Variants in PLCH2 observed in about 807,000 individuals in gnomAD.
The protein encoded by PLCH2 is phospholipase C eta 2, also known as 1-phosphatidylinositol 4,5-bisphosphate phosphodiesterase eta-2.
In PLCH2, 98 loss-of-function variants were observed where a neutral mutation model predicts 134.7. The ratio of observed to expected loss-of-function variants is 0.73; its 90% CI spans 0.62 to 0.86. The LOEUF (loss-of-function observed/expected upper bound fraction) is 0.86, where lower values mean the gene tolerates loss of function less well. Among genes scored for constraint, PLCH2 ranks in the 40% least tolerant of loss-of-function variants. The pLI is 0.00. For missense variants in PLCH2, 1,994 were observed against 1,986.6 expected (o/e 1.00, Z -0.07); for synonymous variants, 974 against 827.5 (o/e 1.18, Z -3.04).
intron 2 of PLCH2, among the ~76,000 whole-genome samples, chr1:2,454,026 G>A (rs1460093463): frequency 2.6e-5 from 4 of 152,148 alleles, no homozygotes; most frequent in Non-Finnish European, 5.9e-5. Flanking sequence ...GCTGGTAGTG[G>A]GGTTCCGGGG....
chr1:2,503,092 G>A (rs1185667253), intron 21 of PLCH2: 9 of 697,902 alleles, frequency 1.3e-5, no homozygotes, highest in Non-Finnish European at 2.4e-5. Context: ...CATAGCCCCA[G>A]CCCTCCTGTC....
At chr1:2,489,955 A>C in intron 10 of PLCH2, 88 bp downstream of exon 10, 2 of 987,526 alleles carry the variant, frequency 2.0e-6, no homozygotes, top group Non-Finnish European at 3.2e-6. Context: ...GCGAGTTAGA[A>C]AGGGAGGCAT....
At chr1:2,428,529 C>T (rs565797660) in intron 1 of PLCH2, among the ~76,000 whole-genome samples, 13 of 152,268 alleles carry the variant, frequency 8.5e-5, no homozygotes, top group Non-Finnish European at 1.8e-4. Context: ...CCCACGCCAA[C>T]GGCTGACCTC....
At chr1:2,489,653 C>T (rs1291900678) in intron 9 of PLCH2, 107 bp from the exon 10 acceptor site, 6 of 917,722 alleles carry the variant, frequency 6.5e-6, no homozygotes, top group Non-Finnish European at 1.0e-5. Flanking sequence ...CAAAACTGAG[C>T]TTGAGAAAAG....
At chr1:2,486,756 G>C (rs1013892847) in intron 5 of PLCH2, 151 bp from the exon 6 acceptor site, 5 of 669,604 alleles carry the variant, frequency 7.5e-6, no homozygotes, top group African/African-American at 7.1e-5. Context: ...ATCCACGGTA[G>C]TCCCAAGTCA....
intron 2 of PLCH2, among the ~76,000 whole-genome samples, chr1:2,458,704 C>T (rs923781839): frequency 6.6e-5 from 10 of 152,164 alleles, no homozygotes; most frequent in Admixed American, 2.0e-4. Context: ...CGCTCCCGCC[C>T]AGACCGCGCC....
At chr1:2,428,856 G>A (rs751877841) in intron 1 of PLCH2, among the ~76,000 whole-genome samples, 2 of 152,272 alleles carry the variant, frequency 1.3e-5, no homozygotes, top group Non-Finnish European at 1.5e-5. Flanking sequence ...GGGCAGTGCG[G>A]TGAGAGGCTC....
At chr1:2,463,548 G>A (rs969116701), upstream of PLCH2, among the ~76,000 whole-genome samples, 1 of 152,214 alleles carries the variant, frequency 6.6e-6, no homozygotes, top group Non-Finnish European at 1.5e-5. Context: ...TGAAACCGAG[G>A]CACCCCACGA....
chr1:2,498,638 C>T lies in PLCH2; in HGVS notation c.2340C>T (p.Asp780=). Residue 780 remains aspartate (D), a synonymous_variant, in exon 17 of 22, where the codon GAC becomes GAT. Coordinates refer to ENST00000378486, the MANE Select transcript of PLCH2 (RefSeq NM_014638.4). This position sits in a 1 kb window ranked among gnomAD's most constrained non-coding sequence, Gnocchi z 5.4. ...LPKPRDSMLG[D]RGEIIDPFVE... ...AGCCGCGCGACTCCATGCTGGGGGACCGTGGGGAGGTGGGGGCCAGCCCCA... is the reference window on the plus strand; with the variant it reads ...AGCCGCGCGACTCCATGCTGGGGGATCGTGGGGAGGTGGGGGCCAGCCCCA... 2 of 1,482,152 alleles carry T rather than the reference C, an allele frequency of 1.3e-6. No homozygotes were observed. Among genetic ancestry groups the T allele is most frequent in the South Asian group, 1.3e-5 (1 of 79,724 alleles). The allele number at this position is 1,482,152 out of a possible 1,614,324, so 91.8% of individuals were successfully genotyped here. A position where few individuals can be genotyped will look rare whatever the true frequency, so the allele number is the denominator to read the frequency against.
At chr1:2,488,380 C>G (rs1475502429) in intron 8 of PLCH2, among the ~76,000 whole-genome samples, 1 of 152,146 alleles carries the variant, frequency 6.6e-6, no homozygotes, top group African/African-American at 2.4e-5. Flanking sequence ...GCTGGGATCT[C>G]AGGACAGAGT....
chr1:2,459,068 C>T (rs138114884), intron 2 of PLCH2, among the ~76,000 whole-genome samples: 7 of 152,378 alleles, frequency 4.6e-5, no homozygotes, highest in East Asian at 3.9e-4. Flanking sequence ...TCCTGCTCCC[C>T]GGTGGCTGGG....
intron 11 of PLCH2, among the ~76,000 whole-genome samples, chr1:2,491,758 G>A (rs1642597138): frequency 6.6e-6 from 1 of 152,236 alleles, no homozygotes; most frequent in African/African-American, 2.4e-5. Flanking sequence ...AGACCTTGAA[G>A]GAACCAGGAG....
chr1:2,421,694 C>T (rs1390887646), upstream of PLCH2, among the ~76,000 whole-genome samples: 11 of 152,184 alleles, frequency 7.2e-5, no homozygotes, highest in Non-Finnish European at 1.5e-4. Context: ...TAACAACGGG[C>T]CAGGCACAGT....
Position 2,504,836 on chromosome 1 carries a change from C to T in PLCH2, c.3874C>T (p.Pro1292Ser). Reference protein sequence around the residue: ...LPGGTRRVSGPGVRRDTLTEQ... With the variant: ...LPGGTRRVSGSGVRRDTLTEQ... The stretch of plus-strand genomic sequence containing the variant: ...GGGAGGGACACGGCGGGTGTCGGGG[C>T]CAGGGGTGAGACGGGACACCCTGAC... The change falls in exon 22 of 22, where the codon CCA becomes TCA. Residue 1292 changes from proline (P) to serine (S), a missense_variant. Around this residue, in one of 2 missense-constraint regions of PLCH2, gnomAD observed 900 missense variants for 752.3 expected, o/e 1.20. Coordinates refer to ENST00000378486, the MANE Select transcript of PLCH2 (RefSeq NM_014638.4). 1 of 1,606,942 alleles carries T rather than the reference C, an allele frequency of 6.2e-7. No homozygotes were observed. Among genetic ancestry groups the T allele is most frequent in the Non-Finnish European group, 8.5e-7 (1 of 1,177,494 alleles).
At chr1:2,416,373 C>T in the PLCH2 span, among the ~76,000 whole-genome samples, 1 of 141,288 alleles carries the variant, frequency 7.1e-6, no homozygotes, top group Non-Finnish European at 1.5e-5. Flanking sequence ...GAGGAAGGGC[C>T]ACCCACAAGC....
At chr1:2,422,034 G>A (rs538296961), upstream of PLCH2, among the ~76,000 whole-genome samples, 10 of 151,884 alleles carry the variant, frequency 6.6e-5, no homozygotes, top group East Asian at 1.9e-3. Flanking sequence ...ACTTTGGGAG[G>A]CTGAAGGAGG....
At chr1:2,454,730 G>A (rs1640406414) in intron 2 of PLCH2, among the ~76,000 whole-genome samples, 1 of 152,226 alleles carries the variant, frequency 6.6e-6, no homozygotes, top group African/African-American at 2.4e-5. Context: ...TGGCTTCCCT[G>A]AGAGCAGCGC....
At position 2,505,256 on chromosome 1, in the gene PLCH2, A is replaced by AG; in HGVS notation, c.*47dup. 2 of 1,447,234 alleles carry AG rather than the reference A, an allele frequency of 1.4e-6. No homozygotes were observed. Among genetic ancestry groups the AG allele is most frequent in the Non-Finnish European group, 1.9e-6 (2 of 1,072,376 alleles). 89.6% of individuals were successfully genotyped at this position (1,447,234 alleles called of 1,614,324 possible). ...CTGGGCGGCTCTGGAGGCCCAGGGC[A>AG]GGGGTGGGCGTGTTGTTTGCTCAGG... On this transcript the variant is annotated 3_prime_UTR_variant, in exon 22 of 22. Transcript: ENST00000378486.
chr1:2,499,122 G>T lies in PLCH2; in HGVS notation c.2473G>T (p.Val825Leu), dbSNP rs753627448. Reference sequence around the variant, plus strand: ...CTGGGAGGAGACCCTGGTTTTCATGGTGCACATGCCGGAGATCGCGCTGGT... The same window carrying T: ...CTGGGAGGAGACCCTGGTTTTCATGTTGCACATGCCGGAGATCGCGCTGGT... ...PTWEETLVFM[V>L]HMPEIALVRF... The change falls in exon 19 of 22, where the codon GTG becomes TTG. Residue 825 changes from valine (V) to leucine (L), a missense_variant. Around this residue, in one of 2 missense-constraint regions of PLCH2, gnomAD observed 1,094 missense variants for 1,234.3 expected, o/e 0.89. Transcript: ENST00000378486. 149 of 1,612,330 alleles carry T rather than the reference G, an allele frequency of 9.2e-5. No homozygotes were observed. The highest frequency in any genetic ancestry group is 8.5e-6 in the Non-Finnish European group (10 of 1,179,542).
Sources: allele counts gnomAD v4.1 joint callset (sites outside exome capture counted in the v4.1 genomes callset), GRCh38; gene constraint gnomAD v4.1.1; regional missense constraint gnomAD v4.1.1; non-coding constraint Gnocchi (gnomAD v3.1); transcripts MANE v1.5; gene names NCBI Gene and HGNC (gene_info 2026-07-23, HGNC 2026-07-21).